FERMT2: variants seen among roughly 807,000 people sequenced by gnomAD.
FERMT2 encodes FERM domain containing kindlin 2.
FERMT2 carries 15 observed loss-of-function variants against 82.7 expected under a neutral mutation model. The ratio of observed to expected loss-of-function variants is 0.18; its 90% CI spans 0.12 to 0.28. The LOEUF is 0.28. Among genes scored for constraint, FERMT2 ranks in the 10% least tolerant of loss-of-function variants. The pLI is 1.00. For missense variants in FERMT2, 645 were observed against 809.4 expected, an observed-to-expected ratio of 0.80 and a Z score of 2.46; for synonymous variants, 274 against 271.5, an observed-to-expected ratio of 1.01 and a Z score of -0.09.
intron 4 of FERMT2, among the ~76,000 whole-genome samples, chr14:52,884,037 CA>C (rs1183100995): frequency 1.3e-5 from 2 of 152,198 alleles, no homozygotes; most frequent in Admixed American, 1.3e-4. Flanking sequence ...TTCCTTATAG[CA>C]ATTCAAGAAT....
intron 2 of FERMT2, among the ~76,000 whole-genome samples, chr14:52,935,353 G>A (rs1281585687): frequency 6.6e-6 from 1 of 152,154 alleles, no homozygotes; most frequent in Non-Finnish European, 1.5e-5. Context: ...GTCAAATTAT[G>A]GGAAACTGCT....
chr14:52,859,898 A>G (rs1330575002), intron 13 of FERMT2, 184 bp from the exon 14 acceptor site: 5 of 357,470 alleles, frequency 1.4e-5, no homozygotes, highest in African/African-American at 1.1e-4. Flanking sequence ...GCTCACTGCA[A>G]GCTCCGCCTC....
At position 52,899,351 on chromosome 14, in the gene FERMT2, C is replaced by T. The variant is rs1887485072; in HGVS notation, c.392-5924G>A. On this transcript the variant is annotated intron_variant, in intron 3 of 14. Coordinates refer to ENST00000341590, the MANE Select transcript of FERMT2 (RefSeq NM_006832.3). Reference sequence around the variant, plus strand: ...AGGCTGGAGTGCAGTGCCACAATCTCAGCTCACTGCAACCTCTGCCTCCTG... The same window carrying T: ...AGGCTGGAGTGCAGTGCCACAATCTTAGCTCACTGCAACCTCTGCCTCCTG... Among the ~76,000 whole-genome samples, 3 of 152,134 alleles carry T rather than the reference C, an allele frequency of 2.0e-5. No homozygotes were observed. In the South Asian group the frequency reaches 6.2e-4, roughly 31 times the overall value.
intron 7 of FERMT2, among the ~76,000 whole-genome samples, chr14:52,877,153 T>G (rs1005840310): frequency 6.6e-6 from 1 of 152,206 alleles, no homozygotes; most frequent in South Asian, 2.1e-4. Context: ...AGGCATATAA[T>G]AGGCATCTGT....
chr14:52,909,375 A>T (rs865870824), intron 3 of FERMT2, among the ~76,000 whole-genome samples: 2 of 152,304 alleles, frequency 1.3e-5, no homozygotes, highest in African/African-American at 4.8e-5. Context: ...TGAGGGATGG[A>T]AAGAGCTTGT....
chr14:52,860,825 CAG>C lies in FERMT2; in HGVS notation c.1603-362_1603-361del. The C allele has an allele frequency of 7.9e-6, 5 of 633,592 alleles. No homozygotes were observed. In the East Asian group the frequency reaches 1.5e-4, roughly 19 times the overall value. 39.2% of individuals were successfully genotyped at this position (633,592 alleles called of 1,614,324 possible). A position where few individuals can be genotyped will look rare whatever the true frequency, so the allele number is the denominator to read the frequency against. ...TTAAATTTAGCACTATGTCTATAAT[CAG>C]AATGAATACCTGGAATACATGTTTC... On this transcript the variant is annotated intron_variant, in intron 12 of 14. Transcript: ENST00000341590.
At chr14:52,945,191 G>C (rs548039432) in intron 2 of FERMT2, among the ~76,000 whole-genome samples, 24 of 152,006 alleles carry the variant, frequency 1.6e-4, no homozygotes, top group African/African-American at 5.8e-4. Flanking sequence ...GATTACAGGC[G>C]TAAGTTACCG....
At chr14:52,883,559 T>A (rs1041640841) in intron 4 of FERMT2, among the ~76,000 whole-genome samples, 1 of 152,220 alleles carries the variant, frequency 6.6e-6, no homozygotes, top group Non-Finnish European at 1.5e-5. Context: ...CTGGTGAGAT[T>A]ATAATTTCTA....
chr14:52,883,518 C>T (rs774253037), intron 4 of FERMT2, among the ~76,000 whole-genome samples: 2 of 152,092 alleles, frequency 1.3e-5, no homozygotes, highest in African/African-American at 2.4e-5. Context: ...AAATCTGTTA[C>T]GAAGAATGTC....
intron 2 of FERMT2, 67 bp downstream of exon 2, chr14:52,950,345 G>T: frequency 6.6e-7 from 1 of 1,517,326 alleles, no homozygotes; most frequent in Non-Finnish European, 9.0e-7. Context: ...CCCCCGTCGT[G>T]AGCCTCTTTC....
chr14:52,914,539 C>T (rs1888512395), intron 3 of FERMT2, among the ~76,000 whole-genome samples: 1 of 151,966 alleles, frequency 6.6e-6, no homozygotes, highest in Admixed American at 6.6e-5. Context: ...AATCCAATAC[C>T]ATAAGATAAA....
At chr14:52,880,571 G>T (rs1328898104) in intron 6 of FERMT2, among the ~76,000 whole-genome samples, 1 of 152,044 alleles carries the variant, frequency 6.6e-6, no homozygotes, top group Non-Finnish European at 1.5e-5. Context: ...GCTAGTTTTT[G>T]TATTTTTAGT....
Position 52,922,875 on chromosome 14 carries a change from G to A in FERMT2, c.158-3519C>T, listed in dbSNP as rs368997611. ...CAGTCATGAGTCACTTAACAAGGGG[G>A]ATAAGATCTGAGAAATGCGATGTTT... On this transcript the variant is annotated intron_variant, in intron 2 of 14. Coordinates refer to ENST00000341590, the MANE Select transcript of FERMT2 (RefSeq NM_006832.3). 1.4e-4 allele frequency among the ~76,000 whole-genome samples: 22 copies of A among 152,284 alleles called. No homozygotes were observed. In the East Asian group the frequency reaches 2.5e-3, roughly 17 times the overall value.
At chr14:52,912,511 CTTTT>C (rs1252702778) in intron 3 of FERMT2, among the ~76,000 whole-genome samples, 3 of 139,262 alleles carry the variant, frequency 2.2e-5, no homozygotes, top group Admixed American at 7.2e-5. Context: ...CAGATCACTA[CTTTT>C]TTTTTTTTTT....
chr14:52,862,492 A>T (rs1885006625), intron 12 of FERMT2: 1 of 152,172 alleles, frequency 6.6e-6, no homozygotes, highest in African/African-American at 2.4e-5. Context: ...ACATAGCGAG[A>T]CCCCATCTCT....
chr14:52,858,303 A>T lies in FERMT2; in HGVS notation c.*74T>A. ...GATAAATTTCAAGCTTACTTTATTAAGCAGCATATAACAAACAGCTTTTAA... is the reference window on the plus strand; with the variant it reads ...GATAAATTTCAAGCTTACTTTATTATGCAGCATATAACAAACAGCTTTTAA... On this transcript the variant is annotated 3_prime_UTR_variant, in exon 15 of 15. Transcript: ENST00000341590. 1 of 1,294,544 alleles carries T rather than the reference A, an allele frequency of 7.7e-7. No individual in the cohort carries two copies. The highest frequency in any genetic ancestry group is 1.1e-6 in the Non-Finnish European group (1 of 910,640). The allele number at this position is 1,294,544 out of a possible 1,614,324, so 80.2% of individuals were successfully genotyped here.
intron 3 of FERMT2, among the ~76,000 whole-genome samples, chr14:52,897,333 T>C (rs899821172): frequency 2.6e-5 from 4 of 152,300 alleles, no homozygotes; most frequent in Admixed American, 1.3e-4. Context: ...TTCACTGGAA[T>C]AGAATTACTG....
chr14:52,892,172 T>TTG lies in FERMT2; in HGVS notation c.526+1120_526+1121insCA, dbSNP rs558830069. Among the ~76,000 whole-genome samples the TTG allele has an allele frequency of 1.9e-3, 27 of 14,376 alleles. 1 individual carries two copies. In the South Asian group the frequency reaches 0.18, roughly 96 times the overall value. The allele number at this position is 14,376 out of a possible 152,430, so 9.4% of individuals were successfully genotyped here. On this transcript the variant is annotated intron_variant, in intron 4 of 14. Coordinates refer to ENST00000341590, the MANE Select transcript of FERMT2 (RefSeq NM_006832.3). ...AGAGAGAAGGCTGTTTTTTGTTTTT[T>TTG]TTTTTTTTTTTTTTTGAGACGGAGT...
intron 4 of FERMT2, among the ~76,000 whole-genome samples, chr14:52,885,548 T>C (rs1252166714): frequency 6.6e-6 from 1 of 152,024 alleles, no homozygotes; most frequent in East Asian, 1.9e-4. Flanking sequence ...TAAGATAAAG[T>C]AGCAGATTTA....
Sources: gnomAD v4.1 joint callset for allele counts (sites outside exome capture counted in the v4.1 genomes callset) on GRCh38, gnomAD v4.1.1 for gene constraint, MANE v1.5 for transcripts, NCBI Gene and HGNC (gene_info 2026-07-23, HGNC 2026-07-21) for gene names.